MPPED2: variants seen among roughly 807,000 people sequenced by gnomAD.
The protein encoded by MPPED2 is metallophosphoesterase MPPED2.
MPPED2 carries 5 observed loss-of-function variants against 33.0 expected under a neutral mutation model. The observed-to-expected ratio is 0.15, with a 90% CI of 0.08 to 0.32. The LOEUF (loss-of-function observed/expected upper bound fraction) is 0.32. Ranked by LOEUF, MPPED2 falls within the 10% of genes least tolerant of loss-of-function variation. The pLI is 1.00. For missense variants in MPPED2, 275 were observed against 372.1 expected, an observed-to-expected ratio of 0.74 and a Z score of 2.15; for synonymous variants, 136 against 141.9, an observed-to-expected ratio of 0.96 and a Z score of 0.29.
At chr11:30,560,066 G>A (rs998981314) in intron 2 of MPPED2, among the ~76,000 whole-genome samples, 4 of 152,236 alleles carry the variant, frequency 2.6e-5, no homozygotes, top group East Asian at 1.9e-4. Flanking sequence ...CAGCATTCAC[G>A]AATTAAGAAA....
intron 3 of MPPED2, among the ~76,000 whole-genome samples, chr11:30,531,319 G>A (rs1342377600): frequency 6.6e-6 from 1 of 152,228 alleles, no homozygotes; most frequent in Non-Finnish European, 1.5e-5. Flanking sequence ...GCCAGGTGAA[G>A]AGAGGCACAG....
chr11:30,466,112 T>C (rs914900265), intron 4 of MPPED2, among the ~76,000 whole-genome samples: 3 of 152,234 alleles, frequency 2.0e-5, no homozygotes, highest in African/African-American at 7.2e-5. Flanking sequence ...CTCTTTGCTC[T>C]TAAGCCTGCA....
chr11:30,458,349 A>G (rs1297260108), intron 4 of MPPED2, among the ~76,000 whole-genome samples: 3 of 152,198 alleles, frequency 2.0e-5, no homozygotes, highest in Non-Finnish European at 2.9e-5. Context: ...AAATTATGGA[A>G]CCAGTAATTG....
intron 5 of MPPED2, 69 bp from the exon 6 acceptor site, chr11:30,414,410 G>A: frequency 2.0e-6 from 2 of 1,004,532 alleles, no homozygotes. Flanking sequence ...AGACTTTCAG[G>A]AAGCCATAAC....
chr11:30,480,881 CAGTT>C (rs888074674), intron 4 of MPPED2, among the ~76,000 whole-genome samples: 14 of 152,032 alleles, frequency 9.2e-5, no homozygotes, highest in Admixed American at 7.9e-4. Context: ...AACTATCACT[CAGTT>C]AGCCCACACT....
At chr11:30,437,789 C>T (rs994707433) in intron 4 of MPPED2, among the ~76,000 whole-genome samples, 1 of 151,934 alleles carries the variant, frequency 6.6e-6, no homozygotes, top group Non-Finnish European at 1.5e-5. Flanking sequence ...ACCAAAGAAT[C>T]CCGACTTGTT....
At chr11:30,446,163 G>A (rs1285352499) in intron 4 of MPPED2, among the ~76,000 whole-genome samples, 5 of 152,306 alleles carry the variant, frequency 3.3e-5, no homozygotes, top group Middle Eastern at 3.4e-3. Context: ...CAAAGTCAAA[G>A]GCTATGAGTT....
intron 3 of MPPED2, among the ~76,000 whole-genome samples, chr11:30,498,068 G>T (rs1590583607): frequency 6.8e-6 from 1 of 147,750 alleles, no homozygotes; most frequent in Non-Finnish European, 1.5e-5. Flanking sequence ...CATTTTCGTT[G>T]TTTTTTTTTT....
intron 4 of MPPED2, among the ~76,000 whole-genome samples, chr11:30,423,307 G>A (rs1291623463): frequency 2.0e-5 from 3 of 152,268 alleles, no homozygotes; most frequent in South Asian, 2.1e-4. Flanking sequence ...ACAAATCAAC[G>A]TCCACAAATT....
chr11:30,424,649 G>GCAGA (rs1310923154), intron 4 of MPPED2, among the ~76,000 whole-genome samples: 1 of 152,066 alleles, frequency 6.6e-6, no homozygotes, highest in Non-Finnish European at 1.5e-5. Flanking sequence ...CAGATGAAAG[G>GCAGA]CAGACACCTG....
chr11:30,464,983 T>C (rs1950649520), intron 4 of MPPED2, among the ~76,000 whole-genome samples: 1 of 152,200 alleles, frequency 6.6e-6, no homozygotes, highest in South Asian at 2.1e-4. Flanking sequence ...TATATAGTTT[T>C]AGGCATGTAA....
At chr11:30,481,749 G>A (rs1171358672) in intron 4 of MPPED2, among the ~76,000 whole-genome samples, 1 of 152,086 alleles carries the variant, frequency 6.6e-6, no homozygotes. Context: ...AAAAAGGTCT[G>A]GGTTTTATCA....
At chr11:30,422,499 T>C (rs931414134) in intron 4 of MPPED2, among the ~76,000 whole-genome samples, 2 of 152,158 alleles carry the variant, frequency 1.3e-5, no homozygotes, top group African/African-American at 2.4e-5. Flanking sequence ...AATGTGTCAG[T>C]GCCAATGAAT....
At chr11:30,533,293 T>A (rs1038516139) in intron 3 of MPPED2, among the ~76,000 whole-genome samples, 3 of 152,108 alleles carry the variant, frequency 2.0e-5, no homozygotes, top group Admixed American at 6.5e-5. Context: ...AGGGAGTGCC[T>A]GGCCTATAGT....
chr11:30,551,677 T>C (rs1458734), intron 2 of MPPED2, among the ~76,000 whole-genome samples: 11,384 of 152,222 alleles, frequency 0.075, 1,453 homozygotes, highest in African/African-American at 0.26. Context: ...TGGTTTAATA[T>C]AAATTCCTGC....
chr11:30,502,278 A>G (rs189899046), intron 3 of MPPED2, among the ~76,000 whole-genome samples: 4 of 152,324 alleles, frequency 2.6e-5, no homozygotes, highest in Admixed American at 2.6e-4. Flanking sequence ...GCCTACTCAT[A>G]CATGAATCCT....
downstream of MPPED2, among the ~76,000 whole-genome samples, chr11:30,407,036 GT>G (rs1948001363): frequency 6.6e-6 from 1 of 152,186 alleles, no homozygotes; most frequent in South Asian, 2.1e-4. Flanking sequence ...CACAGCAAGT[GT>G]TTTATCTGCA....
Position 30,428,674 on chromosome 11 carries a change from T to C in MPPED2, c.537-11041A>G, listed in dbSNP as rs1948948022. 1.3e-5 allele frequency among the ~76,000 whole-genome samples: 2 copies of C among 152,222 alleles called. 1 individual carries two copies. The highest frequency in any genetic ancestry group is 4.1e-4 in the South Asian group (2 of 4,834). On this transcript the variant is annotated intron_variant, in intron 4 of 6. Coordinates refer to ENST00000358117, the MANE Select transcript of MPPED2 (RefSeq NM_001584.3). ...ATTCCAGCTGCTTTCTACTTAGCAA[T>C]ATGACCTTGGACAAGTTCATCTGTT...
rs1293243022 is a variant in MPPED2 at position 30,524,131 on chromosome 11, T to A, written c.310+11863A>T. On this transcript the variant is annotated intron_variant, in intron 3 of 6. Transcript: ENST00000358117. ...TCGGCATGATGACCAGTGCCTGTAATTCCAGCTACTCAGTGGGAGGCTGAG... is the reference window on the plus strand; with the variant it reads ...TCGGCATGATGACCAGTGCCTGTAAATCCAGCTACTCAGTGGGAGGCTGAG... Among the ~76,000 whole-genome samples, 3 of 152,182 alleles carry A rather than the reference T, an allele frequency of 2.0e-5. No individual in the cohort carries two copies. In the East Asian group the frequency reaches 5.8e-4, roughly 30 times the overall value.
Sources: gnomAD v4.1 joint callset for allele counts (sites outside exome capture counted in the v4.1 genomes callset) on GRCh38, gnomAD v4.1.1 for gene constraint, MANE v1.5 for transcripts, NCBI Gene and HGNC (gene_info 2026-07-23, HGNC 2026-07-21) for gene names.